The following CFAP52 variants were observed in gnomAD, a reference collection of about 807,000 sequenced individuals.
CFAP52 encodes the protein cilia and flagella associated protein 52.
In CFAP52, 57 loss-of-function variants were observed where a neutral mutation model predicts 70.5. The ratio of observed to expected loss-of-function variants is 0.81; its 90% CI spans 0.65 to 1.01. The LOEUF (loss-of-function observed/expected upper bound fraction) is 1.01, where lower values mean the gene tolerates loss of function less well. CFAP52 is among the 50% of genes least tolerant of loss of function. The pLI, the probability that CFAP52 is intolerant of heterozygous loss-of-function variation, is 0.00. For synonymous variants in CFAP52, 267 were observed against 292.5 expected (o/e 0.91, Z 0.89); for missense variants, 785 against 788.5 (o/e 1.00, Z 0.05).
At chr17:9,577,077 C>T (rs191640305) in intron 1 of CFAP52, among the ~76,000 whole-genome samples, 85 of 152,280 alleles carry the variant, frequency 5.6e-4, no homozygotes, top group Non-Finnish European at 8.7e-4. Flanking sequence ...AACCCTTCTC[C>T]CACTAGGTCA....
chr17:9,596,353 G>A (rs1005859221), intron 4 of CFAP52, among the ~76,000 whole-genome samples: 6 of 151,410 alleles, frequency 4.0e-5, no homozygotes, highest in South Asian at 4.2e-4. Context: ...CACCTGCCTC[G>A]GCCTCCCAAA....
rs771800618 is a variant in CFAP52, at chr17:9,585,886, G to T, written c.184G>T (p.Gly62Cys). Residue 62 changes from glycine to cysteine, a missense_variant, in exon 2 of 14, where the codon GGT becomes TGT. Physicochemically the swap from Gly to Cys is radical, Grantham distance 159. Coordinates refer to ENST00000352665, the MANE Select transcript of CFAP52 (RefSeq NM_145054.5). ...TACTAAAGAGCAGAACTTCCTACAG[G>T]GTCATGGCAACAACGTCTCCTGCTT... ...INTKEQNFLQ[G>C]HGNNVSCLAI... 2.5e-6 allele frequency: 4 copies of T among 1,613,692 alleles called. No homozygotes were observed. Among genetic ancestry groups the T allele is most frequent in the Non-Finnish European group, 3.4e-6 (4 of 1,179,912 alleles).
chr17:9,628,545 G>C, intron 8 of CFAP52, 127 bp from the exon 9 acceptor site: 3 of 1,300,378 alleles, frequency 2.3e-6, no homozygotes, highest in Non-Finnish European at 3.2e-6. Flanking sequence ...CCAAAGTGCT[G>C]GGATTACAGG....
At chr17:9,598,418 G>A in intron 5 of CFAP52, 85 bp downstream of exon 5, 2 of 1,147,380 alleles carry the variant, frequency 1.7e-6, no homozygotes, top group Non-Finnish European at 2.5e-6. Flanking sequence ...GTGTGTACAT[G>A]GGGCTGGGGA....
intron 10 of CFAP52, 77 bp downstream of exon 10, chr17:9,633,110 T>C: frequency 1.3e-6 from 2 of 1,505,374 alleles, no homozygotes; most frequent in Non-Finnish European, 1.8e-6. Flanking sequence ...TATTTGCTTT[T>C]AAAAATACAC....
intron 11 of CFAP52, among the ~76,000 whole-genome samples, chr17:9,637,232 A>G (rs1212894766): frequency 6.6e-6 from 1 of 152,194 alleles, no homozygotes; most frequent in Non-Finnish European, 1.5e-5. Flanking sequence ...CAAGGACCAC[A>G]CTTGTAGGAA....
chr17:9,635,479 C>T lies in CFAP52; in HGVS notation c.1395C>T (p.Ser465=), dbSNP rs1340599013. The T allele has an allele frequency of 1.2e-6, 2 of 1,614,064 alleles. No individual in the cohort carries two copies. Among genetic ancestry groups the T allele is most frequent in the African/African-American group, 1.3e-5 (1 of 74,898 alleles). The change falls in exon 11 of 14, where the codon TCC becomes TCT. Residue 465 remains serine, a synonymous_variant. Coordinates refer to ENST00000352665, the MANE Select transcript of CFAP52 (RefSeq NM_145054.5). The stretch of plus-strand genomic sequence containing the variant: ...TGAAGGAACACAAGTCATCAGTGTC[C>T]TGCATTAGGGTGAAGAGGAACAACG... ...EALKEHKSSV[S]CIRVKRNNEE...
chr17:9,596,059 G>GTATGTATGTA (rs1555541608), intron 4 of CFAP52, among the ~76,000 whole-genome samples: 1 of 85,206 alleles, frequency 1.2e-5, no homozygotes, highest in Non-Finnish European at 2.3e-5. Context: ...ATATGTGTGT[G>GTATGTATGTA]TATATATATA....
At chr17:9,598,208 G>GTT in intron 4 of CFAP52, 26 bp from the exon 5 acceptor site, 2 of 1,523,392 alleles carry the variant, frequency 1.3e-6, no homozygotes, top group East Asian at 2.3e-5. Context: ...TTTGATTGTG[G>GTT]TTTTTTGTTT....
At chr17:9,583,285 A>C (rs1416704452) in intron 1 of CFAP52, among the ~76,000 whole-genome samples, 1 of 152,206 alleles carries the variant, frequency 6.6e-6, no homozygotes, top group Non-Finnish European at 1.5e-5. Flanking sequence ...AATGAAAAAA[A>C]ATCATTTATT....
At chr17:9,584,608 AT>A (rs57052137) in intron 1 of CFAP52, among the ~76,000 whole-genome samples, 115,724 of 151,384 alleles carry the variant, frequency 0.76, 45,120 homozygotes, top group East Asian at 0.99. Context: ...TTAATGCAGT[AT>A]TTTTTTTTTA....
intron 4 of CFAP52, among the ~76,000 whole-genome samples, chr17:9,597,922 C>T (rs1909091795): frequency 6.6e-6 from 1 of 152,040 alleles, no homozygotes; most frequent in African/African-American, 2.4e-5. Flanking sequence ...ATTTGCTCTG[C>T]CCATGTTCCC....
intron 7 of CFAP52, among the ~76,000 whole-genome samples, chr17:9,608,943 C>T (rs1909614044): frequency 6.6e-6 from 1 of 152,054 alleles, no homozygotes; most frequent in African/African-American, 2.4e-5. Context: ...GCACATGGTC[C>T]AGATAAAGTA....
chr17:9,641,980 C>T (rs1911085452), intron 13 of CFAP52, 145 bp downstream of exon 13: 1 of 581,012 alleles, frequency 1.7e-6, no homozygotes, highest in Admixed American at 3.2e-5. Flanking sequence ...AATACTGCAG[C>T]CAATGTGGCT....
chr17:9,624,511 A>G (rs1910166618), intron 8 of CFAP52, among the ~76,000 whole-genome samples: 1 of 152,082 alleles, frequency 6.6e-6, no homozygotes, highest in South Asian at 2.1e-4. Context: ...TAATTGCTAT[A>G]AGGTATATAA....
intron 11 of CFAP52, among the ~76,000 whole-genome samples, chr17:9,636,567 A>G (rs143104021): frequency 4.3e-4 from 66 of 152,206 alleles, no homozygotes; most frequent in African/African-American, 1.5e-3. Flanking sequence ...ATCGGATGCC[A>G]TTCCTCCACC....
intron 8 of CFAP52, among the ~76,000 whole-genome samples, chr17:9,626,075 T>G (rs1436655626): frequency 6.6e-6 from 1 of 152,188 alleles, no homozygotes; most frequent in Non-Finnish European, 1.5e-5. Flanking sequence ...CACATGGGCT[T>G]GGTACCTCAT....
chr17:9,598,445 A>G (rs1267854487), intron 5 of CFAP52, 112 bp downstream of exon 5: 13 of 797,702 alleles, frequency 1.6e-5, no homozygotes, highest in Non-Finnish European at 2.6e-5. Flanking sequence ...AGTGGGGTAT[A>G]GACATAGGGG....
At chr17:9,632,770 T>C in intron 9 of CFAP52, 118 bp from the exon 10 acceptor site, 1 of 1,412,068 alleles carries the variant, frequency 7.1e-7, no homozygotes. Context: ...TGAGCTGGTC[T>C]CTTTCCTCCA....
Sources: gnomAD v4.1 joint callset for allele counts (sites outside exome capture counted in the v4.1 genomes callset) on GRCh38, gnomAD v4.1.1 for gene constraint, MANE v1.5 for transcripts, NCBI Gene and HGNC (gene_info 2026-07-23, HGNC 2026-07-21) for gene names.